DNAH7: variants seen among roughly 807,000 people sequenced by gnomAD.
DNAH7 encodes dynein axonemal heavy chain 7.
DNAH7 carries 397 observed loss-of-function variants against 444.6 expected under a neutral mutation model. That is an observed-to-expected ratio of 0.89 (90% CI 0.82 to 0.97). The LOEUF (loss-of-function observed/expected upper bound fraction) is 0.97, where lower values mean the gene tolerates loss of function less well. Ranked by LOEUF, DNAH7 falls within the 50% of genes least tolerant of loss-of-function variation. DNAH7 has a pLI of 0.00. For missense variants in DNAH7, 4,902 were observed against 4,800.8 expected (o/e 1.02, Z -0.62); for synonymous variants, 1,636 against 1,624.4 (o/e 1.01, Z -0.17).
intron 28 of DNAH7, among the ~76,000 whole-genome samples, chr2:195,898,079 T>C (rs1702439836): frequency 6.6e-6 from 1 of 152,228 alleles, no homozygotes; most frequent in African/African-American, 2.4e-5. Context: ...AGAGCTTGCT[T>C]GTTCTCTGCA....
Position 195,900,319 on chromosome 2 carries a change from GCT to G in DNAH7, c.4509_4510del (p.Arg1503SerfsTer19). Reference sequence around the variant, plus strand: ...AGCAGCAGTAAGAACTGACTTCACGGCTCTCATTCCATAGTCGTAGTGATGTT... The same window carrying G: ...AGCAGCAGTAAGAACTGACTTCACGGCTCATTCCATAGTCGTAGTGATGTT... On this transcript the variant is annotated frameshift_variant, in exon 28 of 65. Transcript: ENST00000312428. LOFTEE classifies it high-confidence loss of function. 6.2e-7 allele frequency: 1 copy of G among 1,613,900 alleles called. No homozygotes were observed. The highest frequency in any genetic ancestry group is 8.5e-7 in the Non-Finnish European group (1 of 1,179,894).
In DNAH7 at chr2:195,891,811, GAAA is replaced by G. The variant is rs11292337; in HGVS notation, c.4897-10_4897-8del. The G allele has an allele frequency of 2.2e-5, 27 of 1,226,906 alleles. No individual in the cohort carries two copies. The highest frequency in any genetic ancestry group is 3.4e-5 in the South Asian group (2 of 57,984). The allele number at this position is 1,226,906 out of a possible 1,614,324, so 76.0% of individuals were successfully genotyped here. On this transcript the variant is annotated splice_region_variant and splice_polypyrimidine_tract_variant and intron_variant, in intron 30 of 64. Coordinates refer to ENST00000312428, the MANE Select transcript of DNAH7 (RefSeq NM_018897.3). ...TGTTTTCTTCCATTAGCCCCTTAAT[GAAA>G]AAAAAAAACATTTATTTATGTAAAG...
chr2:195,914,899 T>C (rs907177372), intron 24 of DNAH7, among the ~76,000 whole-genome samples: 1 of 152,156 alleles, frequency 6.6e-6, no homozygotes, highest in African/African-American at 2.4e-5. Context: ...TAACCTCAGG[T>C]GATCCACCCG....
intron 19 of DNAH7, among the ~76,000 whole-genome samples, chr2:195,950,204 G>T (rs1271913022): frequency 6.6e-6 from 1 of 152,040 alleles, no homozygotes; most frequent in Non-Finnish European, 1.5e-5. Flanking sequence ...GCACTCCTCT[G>T]GTAGAATTCG....
At chr2:196,042,299 TAATA>T in intron 5 of DNAH7, among the ~76,000 whole-genome samples, 1 of 152,094 alleles carries the variant, frequency 6.6e-6, no homozygotes, top group Admixed American at 6.5e-5. Context: ...CACAAAGAAA[TAATA>T]AATATTTGAG....
chr2:195,874,590 GTCTTT>G (rs1700916794), intron 38 of DNAH7, among the ~76,000 whole-genome samples: 1 of 144,618 alleles, frequency 6.9e-6, no homozygotes, highest in African/African-American at 2.7e-5. Context: ...GAGCAATATG[GTCTTT>G]TATTTAAAAA....
intron 15 of DNAH7, among the ~76,000 whole-genome samples, chr2:195,974,379 T>C (rs1692045885): frequency 6.6e-6 from 1 of 152,202 alleles, no homozygotes; most frequent in Non-Finnish European, 1.5e-5. Context: ...CTGATTTCTA[T>C]ACTGAATAAA....
intron 17 of DNAH7, among the ~76,000 whole-genome samples, chr2:195,965,239 T>C (rs867806071): frequency 1.3e-5 from 2 of 152,336 alleles, no homozygotes; most frequent in South Asian, 4.1e-4. Context: ...ATTATTTTTG[T>C]CGTTCATTCT....
chr2:195,784,256 A>AT (rs921649606), intron 58 of DNAH7, among the ~76,000 whole-genome samples: 7 of 150,956 alleles, frequency 4.6e-5, no homozygotes, highest in East Asian at 1.9e-4. Flanking sequence ...CTACCTATTC[A>AT]TTTTTTTTTC....
At chr2:195,771,473 C>T (rs572836955) in intron 61 of DNAH7, among the ~76,000 whole-genome samples, 187 bp downstream of exon 61, 144 of 152,224 alleles carry the variant, frequency 9.5e-4, no homozygotes, top group African/African-American at 3.4e-3. Context: ...TACTTATTTC[C>T]CTGTTTATTA....
At chr2:195,989,549 T>C (rs1443366372) in intron 12 of DNAH7, among the ~76,000 whole-genome samples, 1 of 152,246 alleles carries the variant, frequency 6.6e-6, no homozygotes, top group Non-Finnish European at 1.5e-5. Flanking sequence ...GGTTTTGCTA[T>C]TGAGTTCCTT....
At position 195,864,441 on chromosome 2, in the gene DNAH7, T is replaced by C; in HGVS notation, c.7214A>G (p.Glu2405Gly). ...ACTGACATCTTCCAGAAAAGACTCTTCTTTAATTTGAGTATCTGTAAACAG... is the reference window on the plus strand; with the variant it reads ...ACTGACATCTTCCAGAAAAGACTCTCCTTTAATTTGAGTATCTGTAAACAG... The part of the protein sequence containing the change: ...VFLFTDTQIK[E>G]ESFLEDVSNL... Residue 2405 changes from glutamate (E) to glycine (G), a missense_variant, in exon 41 of 65, where the codon GAA (glutamate) becomes GGA (glycine). By Grantham distance (98) the Glu-to-Gly change is moderately conservative. Transcript: ENST00000312428. 4 of 1,614,188 alleles carry C rather than the reference T, an allele frequency of 2.5e-6. No homozygotes were observed. The highest frequency in any genetic ancestry group is 3.4e-6 in the Non-Finnish European group (4 of 1,180,026).
intron 33 of DNAH7, among the ~76,000 whole-genome samples, chr2:195,886,692 C>G (rs1255006252): frequency 6.6e-6 from 1 of 152,126 alleles, no homozygotes; most frequent in African/African-American, 2.4e-5. Flanking sequence ...CTATGAAATA[C>G]AATTCCAAGT....
intron 44 of DNAH7, among the ~76,000 whole-genome samples, chr2:195,856,686 G>T (rs188235781): frequency 2.0e-5 from 3 of 152,042 alleles, no homozygotes. Context: ...ACCAAAAAAG[G>T]CTCCTTATTT....
chr2:196,059,171 T>C (rs73987718), intron 1 of DNAH7, among the ~76,000 whole-genome samples: 4,823 of 152,284 alleles, frequency 0.032, 234 homozygotes, highest in African/African-American at 0.11. Flanking sequence ...TTCAATTTTT[T>C]TTTTCCTAGA....
intron 18 of DNAH7, among the ~76,000 whole-genome samples, chr2:195,958,855 A>C (rs1305761570): frequency 6.6e-6 from 1 of 152,208 alleles, no homozygotes; most frequent in African/African-American, 2.4e-5. Context: ...GGCAAGTGCC[A>C]GGCTCAAGTT....
At chr2:196,065,614 C>G (rs1698387608) in intron 1 of DNAH7, among the ~76,000 whole-genome samples, 1 of 152,196 alleles carries the variant, frequency 6.6e-6, no homozygotes, top group Non-Finnish European at 1.5e-5. Context: ...GACTGAAGAG[C>G]AGGAGGGCAG....
chr2:195,935,443 C>G (rs941985991), intron 20 of DNAH7, among the ~76,000 whole-genome samples: 2 of 152,134 alleles, frequency 1.3e-5, no homozygotes, highest in Non-Finnish European at 2.9e-5. Context: ...TACATATCCC[C>G]TACTTTGAAG....
chr2:195,914,513 C>T (rs1225770355), intron 24 of DNAH7, among the ~76,000 whole-genome samples: 1 of 152,194 alleles, frequency 6.6e-6, no homozygotes, highest in African/African-American at 2.4e-5. Context: ...AAGAAGATTC[C>T]AGTACAACTG....
Sources: allele counts gnomAD v4.1 joint callset (sites outside exome capture counted in the v4.1 genomes callset), GRCh38; gene constraint gnomAD v4.1.1; transcripts MANE v1.5; gene names NCBI Gene and HGNC (gene_info 2026-07-23, HGNC 2026-07-21).